Variants in ERCC4 observed in about 807,000 individuals in gnomAD.
ERCC4 encodes the protein ERCC excision repair 4, endonuclease catalytic subunit.
ERCC4 carries 65 observed loss-of-function variants against 76.9 expected under a neutral mutation model. That is an observed-to-expected ratio of 0.84 (90% CI 0.69 to 1.04). The LOEUF is 1.04. Ranked by LOEUF, ERCC4 falls within the 50% of genes least tolerant of loss-of-function variation. The probability of loss-of-function intolerance (pLI) is 0.00; values close to 1 mark genes in which losing one functional copy is unlikely to be tolerated. For missense variants in ERCC4, 1,214 were observed against 1,128.2 expected, an observed-to-expected ratio of 1.08 and a Z score of -1.09; for synonymous variants, 463 against 410.1, an observed-to-expected ratio of 1.13 and a Z score of -1.56.
At chr16:13,943,795 A>G (rs1210565764) in intron 9 of ERCC4, among the ~76,000 whole-genome samples, 1 of 151,758 alleles carries the variant, frequency 6.6e-6, no homozygotes. Context: ...CAAGCAGGGA[A>G]GAGACTCAGC....
At chr16:13,946,962 AT>A (rs1339982560) in intron 10 of ERCC4, among the ~76,000 whole-genome samples, 3 of 152,092 alleles carry the variant, frequency 2.0e-5, no homozygotes, top group Non-Finnish European at 4.4e-5. Context: ...GGGTTTCACC[AT>A]GTTAGCCAGG....
chr16:13,930,295 A>G (rs2032148506), intron 4 of ERCC4, among the ~76,000 whole-genome samples: 2 of 152,106 alleles, frequency 1.3e-5, no homozygotes, highest in African/African-American at 2.4e-5. Flanking sequence ...CATCCAGGAT[A>G]GTCAGAGTCA....
At chr16:13,939,401 G>A (rs190549122) in intron 9 of ERCC4, among the ~76,000 whole-genome samples, 53 of 152,248 alleles carry the variant, frequency 3.5e-4, no homozygotes, top group Admixed American at 1.2e-3. Flanking sequence ...AATAAGTAGA[G>A]GTATACAGAG....
intron 9 of ERCC4, among the ~76,000 whole-genome samples, chr16:13,943,656 A>G (rs954171933): frequency 2.6e-5 from 4 of 152,112 alleles, no homozygotes; most frequent in Admixed American, 6.5e-5. Context: ...CCTTGTTGAA[A>G]TTAATTAACA....
At chr16:13,943,311 T>G (rs2032450965) in intron 9 of ERCC4, among the ~76,000 whole-genome samples, 1 of 152,202 alleles carries the variant, frequency 6.6e-6, no homozygotes, top group African/African-American at 2.4e-5. Flanking sequence ...GAAAAGAGGT[T>G]TAGTTGATTC....
chr16:13,929,897 G>A (rs1292304010), intron 4 of ERCC4, among the ~76,000 whole-genome samples: 1 of 152,166 alleles, frequency 6.6e-6, no homozygotes, highest in Admixed American at 6.5e-5. Flanking sequence ...CTGGGAGGCG[G>A]AGGTTGCAGT....
chr16:13,946,641 T>C (rs1233298564), intron 10 of ERCC4, among the ~76,000 whole-genome samples: 1 of 152,214 alleles, frequency 6.6e-6, no homozygotes, highest in African/African-American at 2.4e-5. Flanking sequence ...TACTTAAAAA[T>C]GTGATCCTTA....
Position 13,920,172 on chromosome 16 carries a change from T to C in ERCC4, c.7T>C (p.Ser3Pro). 6.2e-7 allele frequency: 1 copy of C among 1,605,030 alleles called. No homozygotes were observed. ME[S>P]GQPARRIAMA... ...GCGACCCGGAAGAGCTTCCATGGAG[T>C]CAGGGCAGCCGGCTCGACGGATTGC... The change falls in exon 1 of 11, where the codon TCA becomes CCA. Residue 3 changes from serine (S) to proline (P), a missense_variant. Coordinates refer to ENST00000311895, the MANE Select transcript of ERCC4 (RefSeq NM_005236.3).
rs758362908 is a variant in ERCC4, at chr16:13,928,104, A to AC, written c.663dup (p.Met222HisfsTer23). On this transcript the variant is annotated frameshift_variant, in exon 4 of 11. Coordinates refer to ENST00000311895, the MANE Select transcript of ERCC4 (RefSeq NM_005236.3). LOFTEE classifies it high-confidence loss of function. ...AGAAATCCATGTTTCTATGACACCT[A>AC]CCATGCTTGCTATACAGACTGCTAT... The AC allele has an allele frequency of 1.5e-5, 25 of 1,613,494 alleles. No homozygotes were observed. Among genetic ancestry groups the AC allele is most frequent in the Non-Finnish European group, 2.1e-5 (25 of 1,179,636 alleles).
At chr16:13,930,086 TATTTA>T (rs1479293703) in intron 4 of ERCC4, among the ~76,000 whole-genome samples, 1 of 152,242 alleles carries the variant, frequency 6.6e-6, no homozygotes, top group Non-Finnish European at 1.5e-5. Flanking sequence ...GGTACGTTGT[TATTTA>T]ATTTGATAAT....
chr16:13,938,341 G>A (rs1365924847), intron 9 of ERCC4, among the ~76,000 whole-genome samples: 5 of 152,168 alleles, frequency 3.3e-5, no homozygotes, highest in Admixed American at 1.3e-4. Context: ...CTTAGGAAGT[G>A]TGTTGTTTGT....
intron 2 of ERCC4, among the ~76,000 whole-genome samples, chr16:13,925,705 G>A (rs946681865): frequency 2.6e-5 from 4 of 152,112 alleles, no homozygotes; most frequent in African/African-American, 9.7e-5. Context: ...AAGGTAACCA[G>A]CTTGATTTAG....
chr16:13,921,239 G>C (rs2031970142), intron 1 of ERCC4, among the ~76,000 whole-genome samples: 1 of 152,172 alleles, frequency 6.6e-6, no homozygotes. Context: ...GAGGGCCATA[G>C]GGTCAGAAAG....
At position 13,947,965 on chromosome 16, in the gene ERCC4, T is replaced by C. The variant is rs753851289; in HGVS notation, c.2369T>C (p.Leu790Pro). 2 of 1,614,214 alleles carry C rather than the reference T, an allele frequency of 1.2e-6. No individual in the cohort carries two copies. The highest frequency in any genetic ancestry group is 1.7e-6 in the Non-Finnish European group (2 of 1,180,040). Residue 790 changes from leucine to proline, a missense_variant, in exon 11 of 11, where the codon CTT becomes CCT. Physicochemically the swap from Leu to Pro is moderately conservative, Grantham distance 98. Transcript: ENST00000311895. ...AATGACATTAGTTCCAAACTCACTC[T>C]TCTTACACTTCACTTCCCCAGACTA... is the stretch of plus-strand genomic sequence containing the variant. ...SSNDISSKLT[L>P]LTLHFPRLRI...
Position 13,948,365 on chromosome 16 carries a change from C to A in ERCC4, c.*18C>A. 1 of 1,605,306 alleles carries A rather than the reference C, an allele frequency of 6.2e-7. No homozygotes were observed. The highest frequency in any genetic ancestry group is 1.1e-5 in the South Asian group (1 of 91,014). On this transcript the variant is annotated 3_prime_UTR_variant, in exon 11 of 11. Transcript: ENST00000311895. ...AAAAGTGAACAGTGATGGCTGTTTT[C>A]TTATCCCATGCCTGTACTTTTCAGC...
intron 2 of ERCC4, 88 bp from the exon 3 acceptor site, chr16:13,926,473 T>C (rs770761256): frequency 7.0e-6 from 8 of 1,145,180 alleles, no homozygotes; most frequent in Non-Finnish European, 1.1e-5. Flanking sequence ...TGCTTATTCA[T>C]TCTCTTGTAA....
In ERCC4 at chr16:13,943,680, T is replaced by C. The variant is rs912571756; in HGVS notation, c.1905-1043T>C. ...AATTAATTAACATTGATGGTTCCTC[T>C]TCTGTTCCCCTCACCTTAGTCTGTT... is the stretch of plus-strand genomic sequence containing the variant. On this transcript the variant is annotated intron_variant, in intron 9 of 10. Coordinates refer to ENST00000311895, the MANE Select transcript of ERCC4 (RefSeq NM_005236.3). 9.9e-5 allele frequency among the ~76,000 whole-genome samples: 15 copies of C among 152,176 alleles called. 1 individual carries two copies. The highest frequency in any genetic ancestry group is 9.8e-4 in the Admixed American group (15 of 15,276).
chr16:13,943,816 T>A (rs2032463741), intron 9 of ERCC4, among the ~76,000 whole-genome samples: 1 of 152,172 alleles, frequency 6.6e-6, no homozygotes, highest in African/African-American at 2.4e-5. Context: ...TTATATATCT[T>A]TTCTGTCATA....
chr16:13,944,762 C>G lies in ERCC4; in HGVS notation c.1944C>G (p.Gly648=). The G allele has an allele frequency of 1.2e-6, 2 of 1,613,888 alleles. No individual in the cohort carries two copies. Among genetic ancestry groups the G allele is most frequent in the Non-Finnish European group, 8.5e-7 (1 of 1,179,752 alleles). ...TGGTTGTCCCTGAAGAAAGAGAAGG[C>G]AGAGATGAAACAAACTTAGACCTAG... ...ASMVVPEERE[G]RDETNLDLVR... is the part of the protein sequence containing the mutation. Residue 648 remains glycine (G), a synonymous_variant, in exon 10 of 11, where the codon GGC becomes GGG. Transcript: ENST00000311895.
Sources: allele counts gnomAD v4.1 joint callset (sites outside exome capture counted in the v4.1 genomes callset), GRCh38; gene constraint gnomAD v4.1.1; transcripts MANE v1.5; gene names NCBI Gene and HGNC (gene_info 2026-07-23, HGNC 2026-07-21).